NPHP1: variants seen among roughly 807,000 people sequenced by gnomAD.
NPHP1 encodes nephrocystin-1.
Under a neutral mutation model 90.4 loss-of-function variants are expected in NPHP1, and 70 were observed. That is an observed-to-expected ratio of 0.77 (90% confidence interval 0.64 to 0.95). The LOEUF is 0.95. NPHP1 is among the 40% of genes least tolerant of loss of function. The probability of loss-of-function intolerance (pLI) is 0.00; values close to 1 mark genes in which losing one functional copy is unlikely to be tolerated. For synonymous variants in NPHP1, 256 were observed against 271.7 expected, an observed-to-expected ratio of 0.94 and a Z score of 0.57; for missense variants, 764 against 795.9, an observed-to-expected ratio of 0.96 and a Z score of 0.48.
chr2:110,199,419 A>C (rs1685412806), intron 2 of NPHP1, among the ~76,000 whole-genome samples: 1 of 152,042 alleles, frequency 6.6e-6, no homozygotes, highest in African/African-American at 2.4e-5. Context: ...CTTAAAAAAA[A>C]AAAAACCAAT....
At chr2:110,174,331 C>T (rs997127566) in intron 4 of NPHP1, among the ~76,000 whole-genome samples, 5 of 152,074 alleles carry the variant, frequency 3.3e-5, no homozygotes, top group Admixed American at 6.5e-5. Flanking sequence ...AATCAAATCA[C>T]GTTTAGTATT....
intron 2 of NPHP1, among the ~76,000 whole-genome samples, chr2:110,188,095 A>G (rs1015017569): frequency 2.0e-5 from 3 of 152,214 alleles, no homozygotes; most frequent in African/African-American, 7.2e-5. Context: ...ATTCCCTTTG[A>G]AAACAGGCAC....
At chr2:110,184,535 T>G in intron 2 of NPHP1, 1 of 1,272,148 alleles carries the variant, frequency 7.9e-7, no homozygotes, top group Non-Finnish European at 1.1e-6. Context: ...TGCTGGATTC[T>G]GGGGATGGCA....
At position 110,181,211 on chromosome 2, in the gene NPHP1, CT is replaced by C. The variant is rs200505017; in HGVS notation, c.144-1528del. Among the ~76,000 whole-genome samples the C allele has an allele frequency of 6.3e-3, 954 of 152,292 alleles. 9 individuals are homozygous for C. The highest frequency in any genetic ancestry group is 0.031 in the Middle Eastern group (9 of 294). On this transcript the variant is annotated intron_variant, in intron 2 of 19. Transcript: ENST00000445609. ...CAGTAGACTTAGCCATTCTAGCCTG[CT>C]GGCTTTGGAGAATACAAATGGTCCA...
chr2:110,184,794 A>G lies in NPHP1; in HGVS notation c.144-5110T>C, dbSNP rs1481554868. On this transcript the variant is annotated intron_variant, in intron 2 of 19. Coordinates refer to ENST00000445609, the MANE Select transcript of NPHP1 (RefSeq NM_001128178.3). The stretch of plus-strand genomic sequence containing the variant: ...GAGACACTAGAGACAGAGAAGGCTC[A>G]GTACTACCTGCCTGATGGCAGCACC... 4.2e-6 allele frequency: 3 copies of G among 708,588 alleles called. No homozygotes were observed. The Admixed American group carries it at 5.3e-5, about 12-fold the overall frequency. 43.9% of individuals were successfully genotyped at this position (708,588 alleles called of 1,614,324 possible).
rs863224357 is a variant in NPHP1 at position 110,165,043 on chromosome 2, CT to C, written c.728+8del. The C allele has an allele frequency of 5.6e-6, 9 of 1,604,682 alleles. No homozygotes were observed. The African/African-American group carries it at 1.2e-4, about 21-fold the overall frequency. On this transcript the variant is annotated splice_region_variant and intron_variant, in intron 7 of 19. Coordinates refer to ENST00000445609, the MANE Select transcript of NPHP1 (RefSeq NM_001128178.3). ...AAACCTACTTTGATATCCTTTCCCA[CT>C]TTTGTACCTTTGCTTAACTTCTGCT...
rs1253556611 is a variant in NPHP1 at position 110,156,752 on chromosome 2, TTGTG to T, written c.1083+3371_1083+3374del. 3.7e-4 allele frequency among the ~76,000 whole-genome samples: 56 copies of T among 151,634 alleles called. 1 individual carries two copies. The highest frequency in any genetic ancestry group is 1.3e-3 in the African/African-American group (53 of 41,352). On this transcript the variant is annotated intron_variant, in intron 11 of 19. Transcript: ENST00000445609. ...AGTTTTGGCAACAATGCCTTTGGTT[TTGTG>T]TGTGTGTATGTGTTTTGGTTTCTGT...
intron 11 of NPHP1, among the ~76,000 whole-genome samples, chr2:110,151,004 A>G (rs1052667212): frequency 4.9e-4 from 74 of 151,558 alleles, no homozygotes; most frequent in African/African-American, 1.8e-3. Flanking sequence ...TGTCTCTACT[A>G]AAAACACAAA....
At chr2:110,133,182 A>AGT (rs201633685) in intron 16 of NPHP1, among the ~76,000 whole-genome samples, 1,559 of 152,238 alleles carry the variant, frequency 0.01, 22 homozygotes, top group African/African-American at 0.036. Context: ...TAGACTTAGG[A>AGT]CACTCATGGG....
At chr2:110,174,562 T>C (rs1280063427) in intron 4 of NPHP1, among the ~76,000 whole-genome samples, 2 of 152,168 alleles carry the variant, frequency 1.3e-5, no homozygotes, top group African/African-American at 4.8e-5. Context: ...TAGTCAGTCC[T>C]TGTAACATGC....
chr2:110,166,496 T>C (rs1247983238), intron 6 of NPHP1, among the ~76,000 whole-genome samples: 2 of 152,212 alleles, frequency 1.3e-5, no homozygotes, highest in African/African-American at 2.4e-5. Context: ...GAAACCTTCT[T>C]AAAAAGGCAG....
chr2:110,132,797 A>T (rs1446314594), intron 16 of NPHP1, among the ~76,000 whole-genome samples: 1 of 152,188 alleles, frequency 6.6e-6, no homozygotes, highest in African/African-American at 2.4e-5. Flanking sequence ...TAACCTAAGG[A>T]TGTTGTATGC....
At chr2:110,151,837 A>G (rs1202577991) in intron 11 of NPHP1, among the ~76,000 whole-genome samples, 1 of 152,164 alleles carries the variant, frequency 6.6e-6, no homozygotes, top group African/African-American at 2.4e-5. Context: ...CTAATGGCCA[A>G]GAAGTCCTTT....
Position 110,168,468 on chromosome 2 carries a change from G to T in NPHP1, c.608C>A (p.Pro203His). Reference protein sequence around the residue: ...KDAKGNEGLVPRTYLEPYSEE... With the variant: ...KDAKGNEGLVHRTYLEPYSEE... Reference sequence around the variant, plus strand: ...AAGACTAACCTCTAGGTAGGTTCTGGGAACAAGACCTTCATTTCCTTTGGC... The same window carrying T: ...AAGACTAACCTCTAGGTAGGTTCTGTGAACAAGACCTTCATTTCCTTTGGC... The change falls in exon 6 of 20, where the codon CCC becomes CAC. Residue 203 changes from proline to histidine, a missense_variant. Pro to His is a moderately conservative substitution (Grantham distance 77). Transcript: ENST00000445609. 1 of 1,611,654 alleles carries T rather than the reference G, an allele frequency of 6.2e-7. No individual in the cohort carries two copies. Among genetic ancestry groups the T allele is most frequent in the Non-Finnish European group, 8.5e-7 (1 of 1,178,082 alleles).
At chr2:110,132,056 C>G (rs1446802874) in intron 16 of NPHP1, among the ~76,000 whole-genome samples, 1 of 152,116 alleles carries the variant, frequency 6.6e-6, no homozygotes, top group Non-Finnish European at 1.5e-5. Flanking sequence ...TGTTAAATGT[C>G]AAATAAAAAC....
intron 11 of NPHP1, among the ~76,000 whole-genome samples, chr2:110,156,589 C>T (rs1336695441): frequency 6.6e-6 from 1 of 152,080 alleles, no homozygotes; most frequent in African/African-American, 2.4e-5. Flanking sequence ...TCTCCAGTGT[C>T]TGCCTGCTTC....
At chr2:110,160,784 T>C (rs952976175) in intron 10 of NPHP1, among the ~76,000 whole-genome samples, 3 of 152,218 alleles carry the variant, frequency 2.0e-5, no homozygotes, top group Non-Finnish European at 4.4e-5. Flanking sequence ...AGTAAATAAA[T>C]TGGCATTCTG....
intron 11 of NPHP1, among the ~76,000 whole-genome samples, chr2:110,159,067 T>C (rs1179259254): frequency 6.6e-6 from 1 of 152,046 alleles, no homozygotes; most frequent in Non-Finnish European, 1.5e-5. Context: ...ATTATAATGA[T>C]TGATTTTCAA....
rs1256107352 is a variant in NPHP1, at chr2:110,123,890, G to A, written c.1935C>T (p.Ala645=). The A allele has an allele frequency of 6.2e-7, 1 of 1,614,060 alleles. No homozygotes were observed. The highest frequency in any genetic ancestry group is 8.5e-7 in the Non-Finnish European group (1 of 1,179,986). The change falls in exon 20 of 20, where the codon GCC becomes GCT. Residue 645 remains alanine, a synonymous_variant. Coordinates refer to ENST00000445609, the MANE Select transcript of NPHP1 (RefSeq NM_001128178.3). ...CGTCTGGTGACAGCAGAGCTTGGAGGGCGCCCTGGTTTTCTTGGTTTTGCT... is the reference window on the plus strand; with the variant it reads ...CGTCTGGTGACAGCAGAGCTTGGAGAGCGCCCTGGTTTTCTTGGTTTTGCT... ...FLKQNQENQG[A]LQALLSPDGV...
Sources: gnomAD v4.1 joint callset for allele counts (sites outside exome capture counted in the v4.1 genomes callset) on GRCh38, gnomAD v4.1.1 for gene constraint, MANE v1.5 for transcripts, NCBI Gene and HGNC (gene_info 2026-07-23, HGNC 2026-07-21) for gene names.